Variants in AP3B1 observed in about 807,000 individuals in gnomAD.
The protein encoded by AP3B1 is adaptor related protein complex 3 subunit beta 1.
In AP3B1, 61 loss-of-function variants were observed where a neutral mutation model predicts 132.5. The observed-to-expected ratio is 0.46, with a 90% CI of 0.37 to 0.57. AP3B1 has a LOEUF of 0.57. AP3B1 is among the 20% of genes least tolerant of loss of function. The probability of loss-of-function intolerance (pLI) is 0.00; values close to 1 mark genes in which losing one functional copy is unlikely to be tolerated. For missense variants in AP3B1, 1,120 were observed against 1,289.4 expected (o/e 0.87, Z 2.01); for synonymous variants, 388 against 438.3 (o/e 0.89, Z 1.43).
chr5:78,093,189 C>T (rs1010411426), intron 21 of AP3B1, among the ~76,000 whole-genome samples: 6 of 151,972 alleles, frequency 3.9e-5, no homozygotes, highest in South Asian at 2.1e-4. Context: ...TTATAAAGAA[C>T]GTAGGTTTTG....
chr5:78,032,118 A>C (rs1158866699), intron 24 of AP3B1, among the ~76,000 whole-genome samples: 2 of 152,244 alleles, frequency 1.3e-5, no homozygotes, highest in Non-Finnish European at 2.9e-5. Flanking sequence ...TCAGATATAC[A>C]TATAACTACA....
intron 2 of AP3B1, among the ~76,000 whole-genome samples, chr5:78,241,767 TTAGA>T (rs1370780967): frequency 1.3e-5 from 2 of 152,184 alleles, no homozygotes; most frequent in African/African-American, 4.8e-5. Flanking sequence ...CTAGACATCA[TTAGA>T]TTGCTCTCAT....
intron 21 of AP3B1, among the ~76,000 whole-genome samples, chr5:78,099,951 C>T (rs116149078): frequency 3.4e-4 from 52 of 152,060 alleles, no homozygotes; most frequent in African/African-American, 1.2e-3. Context: ...ATAGATATTG[C>T]TAAAATGACT....
At chr5:78,229,416 T>C (rs192343198) in intron 3 of AP3B1, among the ~76,000 whole-genome samples, 57 of 152,218 alleles carry the variant, frequency 3.7e-4, no homozygotes, top group African/African-American at 1.3e-3. Flanking sequence ...CCTTCTAAGA[T>C]ACCAACACAG....
chr5:78,221,931 T>A lies in AP3B1; in HGVS notation c.603+3611A>T, dbSNP rs182177072. ...AAAGATAAAATCTTCAGGGCCAGCA[T>A]CTTTCTTAATGCAAACACAATGTAA... On this transcript the variant is annotated intron_variant, in intron 6 of 26. Transcript: ENST00000255194. 2.6e-4 allele frequency among the ~76,000 whole-genome samples: 40 copies of A among 152,278 alleles called. No individual in the cohort carries two copies. The South Asian group carries it at 3.1e-3, about 12-fold the overall frequency.
At chr5:78,079,085 A>T (rs1389418256) in intron 22 of AP3B1, among the ~76,000 whole-genome samples, 1 of 152,204 alleles carries the variant, frequency 6.6e-6, no homozygotes, top group East Asian at 1.9e-4. Context: ...AAGTCAGACC[A>T]TCTGTGTCTG....
Position 78,193,770 on chromosome 5 carries a change from A to ATTTTTTTTTTT in AP3B1, c.787-12109_787-12108insAAAAAAAAAAA, listed in dbSNP as rs35190275. Among the ~76,000 whole-genome samples, 86 of 67,092 alleles carry ATTTTTTTTTTT rather than the reference A, an allele frequency of 1.3e-3. 1 individual carries two copies. Among genetic ancestry groups the ATTTTTTTTTTT allele is most frequent in the South Asian group, 5.3e-3 (13 of 2,432 alleles). 44.0% of individuals were successfully genotyped at this position (67,092 alleles called of 152,430 possible). On this transcript the variant is annotated intron_variant, in intron 7 of 26. Coordinates refer to ENST00000255194, the MANE Select transcript of AP3B1 (RefSeq NM_003664.5). ...TATATATATATATATATATATATAT[A>ATTTTTTTTTTT]TTTTTTTTTTAGACAGAGTCTCGCT...
chr5:78,185,222 T>C (rs953473336), intron 7 of AP3B1, among the ~76,000 whole-genome samples: 1 of 152,142 alleles, frequency 6.6e-6, no homozygotes, highest in African/African-American at 2.4e-5. Context: ...TAAAGGAAGC[T>C]CTTTAGACAG....
intron 7 of AP3B1, among the ~76,000 whole-genome samples, chr5:78,197,657 T>C (rs1043043459): frequency 5.9e-5 from 9 of 152,158 alleles, no homozygotes; most frequent in Non-Finnish European, 2.9e-5. Context: ...TCTGAATGGA[T>C]TTCCTAAGAA....
intron 22 of AP3B1, among the ~76,000 whole-genome samples, chr5:78,058,482 AGAGT>A (rs1748908856): frequency 6.6e-6 from 1 of 152,086 alleles, no homozygotes; most frequent in South Asian, 2.1e-4. Flanking sequence ...CCTGGACGAC[AGAGT>A]GAGACTCCAT....
chr5:78,061,710 C>G (rs1046935461), intron 22 of AP3B1, among the ~76,000 whole-genome samples: 1 of 152,222 alleles, frequency 6.6e-6, no homozygotes, highest in Non-Finnish European at 1.5e-5. Context: ...TGCATATTAT[C>G]ACCCATTGAC....
At chr5:78,109,405 G>A (rs75550101) in intron 20 of AP3B1, among the ~76,000 whole-genome samples, 5,329 of 152,044 alleles carry the variant, frequency 0.035, 193 homozygotes, top group East Asian at 0.14. Flanking sequence ...ACAAATAAAC[G>A]AAAACAATAT....
chr5:78,212,926 G>A (rs1745804055), intron 7 of AP3B1, among the ~76,000 whole-genome samples: 1 of 152,090 alleles, frequency 6.6e-6, no homozygotes, highest in Non-Finnish European at 1.5e-5. Flanking sequence ...CACCCAGGCT[G>A]GAGTGCAGTG....
chr5:78,272,078 C>T (rs1748569293), intron 1 of AP3B1, among the ~76,000 whole-genome samples: 1 of 152,212 alleles, frequency 6.6e-6, no homozygotes, highest in African/African-American at 2.4e-5. Context: ...TCATAAGAAT[C>T]TTGGTTTCTA....
chr5:78,279,907 A>AATATATAT lies in AP3B1; in HGVS notation c.129-12320_129-12313dup, dbSNP rs55881507. Among the ~76,000 whole-genome samples the AATATATAT allele has an allele frequency of 3.1e-4, 36 of 114,350 alleles. 1 individual carries two copies. The highest frequency in any genetic ancestry group is 1.2e-3 in the South Asian group (4 of 3,412). 75.0% of individuals were successfully genotyped at this position (114,350 alleles called of 152,430 possible). ...GACTTAAATATATATATATGACTTAAATATATATATATATATATATATTAG... is the reference window on the plus strand; with the variant it reads ...GACTTAAATATATATATATGACTTAAATATATATATATATATATATATATATATATTAG... On this transcript the variant is annotated intron_variant, in intron 1 of 26. Coordinates refer to ENST00000255194, the MANE Select transcript of AP3B1 (RefSeq NM_003664.5).
chr5:78,219,906 C>T (rs1477030089), intron 6 of AP3B1, among the ~76,000 whole-genome samples: 1 of 152,070 alleles, frequency 6.6e-6, no homozygotes, highest in East Asian at 1.9e-4. Context: ...ATGTCATCAT[C>T]GTAATAATGA....
At chr5:78,096,806 T>C (rs1331703205) in intron 21 of AP3B1, among the ~76,000 whole-genome samples, 1 of 150,780 alleles carries the variant, frequency 6.6e-6, no homozygotes, top group Non-Finnish European at 1.5e-5. Context: ...GAGGAGCGTC[T>C]CCGCCCGGCA....
intron 21 of AP3B1, among the ~76,000 whole-genome samples, chr5:78,095,681 TC>T (rs1440934017): frequency 1.2e-4 from 18 of 152,356 alleles, no homozygotes; most frequent in African/African-American, 4.1e-4. Context: ...TATCTGTGTC[TC>T]TGACTAGATT....
intron 2 of AP3B1, among the ~76,000 whole-genome samples, chr5:78,263,043 T>G (rs1266140535): frequency 6.6e-6 from 1 of 152,110 alleles, no homozygotes; most frequent in African/African-American, 2.4e-5. Flanking sequence ...TAGGATGAAT[T>G]TTTTTCTATT....
Sources: allele counts gnomAD v4.1 joint callset (sites outside exome capture counted in the v4.1 genomes callset), GRCh38; gene constraint gnomAD v4.1.1; transcripts MANE v1.5; gene names NCBI Gene and HGNC (gene_info 2026-07-23, HGNC 2026-07-21).